Variants in SOX5 observed in about 807,000 individuals in gnomAD.
SOX5 encodes the protein SRY-box transcription factor 5.
A neutral mutation model predicts 92.0 loss-of-function variants in SOX5; 9 were observed. That is an observed-to-expected ratio of 0.10 (90% CI 0.06 to 0.17). SOX5 has a LOEUF of 0.17. SOX5 is among the 10% of genes least tolerant of loss of function. SOX5 has a pLI of 1.00. For synonymous variants in SOX5, 344 were observed against 336.3 expected (o/e 1.02, Z -0.25); for missense variants, 642 against 944.5 (o/e 0.68, Z 4.20).
chr12:23,691,104 G>A (rs1367370491), intron 6 of SOX5, among the ~76,000 whole-genome samples: 2 of 152,190 alleles, frequency 1.3e-5, no homozygotes, highest in East Asian at 3.9e-4. Context: ...CTTCTAGAAA[G>A]ACCAAAATTG....
intron 4 of SOX5, among the ~76,000 whole-genome samples, chr12:24,101,899 C>T (rs957314662): frequency 5.3e-5 from 8 of 152,114 alleles, no homozygotes; most frequent in Non-Finnish European, 1.2e-4. Context: ...AATTGGATTA[C>T]TCAATATTTG....
chr12:24,153,835 T>C lies in SOX5; in HGVS notation c.-2+59508A>G, dbSNP rs556108502. Among the ~76,000 whole-genome samples, 18 of 152,150 alleles carry C rather than the reference T, an allele frequency of 1.2e-4. No individual in the cohort carries two copies. The South Asian group carries it at 3.3e-3, about 28-fold the overall frequency. On this transcript the variant is annotated intron_variant, in intron 4 of 4. Coordinates refer to the SOX5 transcript ENST00000446891. ...CTTTCAAAGTGCCAGTCAGGCCTTT[T>C]ACAAATAAAATGTTCTCACTTGAAT...
intron 3 of SOX5, chr12:23,762,540 C>G: frequency 1.9e-6 from 1 of 517,466 alleles, no homozygotes; most frequent in East Asian, 3.2e-5. Context: ...ACTGGAAATA[C>G]TTTACGTTTA....
intron 13 of SOX5, among the ~76,000 whole-genome samples, chr12:23,541,422 G>A (rs894950159): frequency 6.6e-6 from 1 of 152,070 alleles, no homozygotes; most frequent in Non-Finnish European, 1.5e-5. Context: ...CATGAAATAT[G>A]CTTACATAAA....
chr12:23,911,345 A>G (rs993926840), intron 1 of SOX5, among the ~76,000 whole-genome samples: 3 of 152,110 alleles, frequency 2.0e-5, no homozygotes, highest in African/African-American at 4.8e-5. Flanking sequence ...AAGAGATGTT[A>G]GATATTAATT....
At chr12:23,648,997 C>G (rs1323366141) in intron 7 of SOX5, among the ~76,000 whole-genome samples, 1 of 152,018 alleles carries the variant, frequency 6.6e-6, no homozygotes, top group Non-Finnish European at 1.5e-5. Flanking sequence ...GATATTCACC[C>G]AACACATAAA....
chr12:23,659,622 A>C (rs1313671334), intron 7 of SOX5, among the ~76,000 whole-genome samples: 1 of 152,214 alleles, frequency 6.6e-6, no homozygotes, highest in Non-Finnish European at 1.5e-5. Flanking sequence ...TAAAACTCAT[A>C]TGATGTTTCT....
chr12:24,507,659 G>A (rs1367110348), intron 1 of SOX5, among the ~76,000 whole-genome samples: 4 of 152,110 alleles, frequency 2.6e-5, no homozygotes, highest in African/African-American at 9.7e-5. Context: ...GGGAATTACT[G>A]TCAATTTCAT....
chr12:24,311,145 G>A (rs1315016563), intron 2 of SOX5, among the ~76,000 whole-genome samples: 1 of 152,176 alleles, frequency 6.6e-6, no homozygotes, highest in African/African-American at 2.4e-5. Context: ...GGAGGTAGAG[G>A]TGGGGAATAT....
At chr12:24,132,263 G>C (rs1039228) in intron 4 of SOX5, among the ~76,000 whole-genome samples, 18,211 of 152,130 alleles carry the variant, frequency 0.12, 1,359 homozygotes, top group Admixed American at 0.19. Context: ...GAATGATCCT[G>C]CTATGTATAT....
chr12:24,278,447 T>G (rs1373680195), intron 2 of SOX5, among the ~76,000 whole-genome samples: 1 of 152,144 alleles, frequency 6.6e-6, no homozygotes, highest in Non-Finnish European at 1.5e-5. Context: ...GTATGATGAC[T>G]CACGCCTGTA....
chr12:24,431,832 G>A (rs1938394215), intron 1 of SOX5, among the ~76,000 whole-genome samples: 2 of 152,176 alleles, frequency 1.3e-5, no homozygotes, highest in African/African-American at 2.4e-5. Flanking sequence ...AAGGTATCTT[G>A]GTAGTTGACG....
intron 4 of SOX5, among the ~76,000 whole-genome samples, chr12:24,070,223 C>T (rs890296843): frequency 2.0e-5 from 3 of 152,138 alleles, no homozygotes; most frequent in African/African-American, 7.2e-5. Flanking sequence ...CCTTCCGCTC[C>T]CTCCCCCTCC....
intron 1 of SOX5, among the ~76,000 whole-genome samples, chr12:24,428,551 C>T (rs1342138669): frequency 1.3e-5 from 2 of 151,574 alleles, no homozygotes; most frequent in Non-Finnish European, 2.9e-5. Flanking sequence ...GCAAGAGGAT[C>T]GCTTGAGCCC....
At chr12:24,056,437 A>T (rs1958108799) in intron 4 of SOX5, among the ~76,000 whole-genome samples, 1 of 152,262 alleles carries the variant, frequency 6.6e-6, no homozygotes, top group Non-Finnish European at 1.5e-5. Flanking sequence ...GTTTTCAAAC[A>T]TATTAATGCT....
Position 23,943,981 on chromosome 12 carries a change from A to T in SOX5, c.38+5583T>A, listed in dbSNP as rs187518118. 7.9e-5 allele frequency among the ~76,000 whole-genome samples: 12 copies of T among 152,246 alleles called. No homozygotes were observed. The East Asian group carries it at 2.3e-3, about 29-fold the overall frequency. ...CCTGGGTAATTCTCATGAAGTACAG[A>T]TTAAGGTTCAGTGGTTCCAAACTGG... On this transcript the variant is annotated intron_variant, in intron 1 of 14. Transcript: ENST00000451604.
At chr12:23,965,374 G>T (rs1242535888) in intron 4 of SOX5, among the ~76,000 whole-genome samples, 1 of 152,084 alleles carries the variant, frequency 6.6e-6, no homozygotes, top group Admixed American at 6.5e-5. Context: ...GACCACTTCA[G>T]GTTCAAAACT....
chr12:23,929,788 C>T (rs535620466), intron 1 of SOX5, among the ~76,000 whole-genome samples: 5 of 151,926 alleles, frequency 3.3e-5, no homozygotes, highest in African/African-American at 4.8e-5. Flanking sequence ...AGACATAACA[C>T]GACAGCTTAT....
chr12:24,359,785 T>A (rs1955312181), intron 2 of SOX5, among the ~76,000 whole-genome samples: 1 of 152,174 alleles, frequency 6.6e-6, no homozygotes, highest in East Asian at 1.9e-4. Flanking sequence ...ATTCTAGACA[T>A]ACCCTACCTA....
Sources: gnomAD v4.1 joint callset for allele counts (sites outside exome capture counted in the v4.1 genomes callset) on GRCh38, gnomAD v4.1.1 for gene constraint, MANE v1.5 for transcripts, NCBI Gene and HGNC (gene_info 2026-07-23, HGNC 2026-07-21) for gene names.